Variants in GMIP observed in about 807,000 individuals in gnomAD.
The protein encoded by GMIP is GEM interacting protein.
A neutral mutation model predicts 105.3 loss-of-function variants in GMIP; 54 were observed. The ratio of observed to expected loss-of-function variants is 0.51; its 90% CI spans 0.41 to 0.64. The LOEUF is 0.64. Ranked by LOEUF, GMIP falls within the 30% of genes least tolerant of loss-of-function variation. The probability of loss-of-function intolerance (pLI) is 0.00; values close to 1 mark genes in which losing one functional copy is unlikely to be tolerated. For missense variants in GMIP, 1,110 were observed against 1,319.4 expected, an observed-to-expected ratio of 0.84 and a Z score of 2.46; for synonymous variants, 541 against 560.8, an observed-to-expected ratio of 0.96 and a Z score of 0.50.
chr19:19,640,025 G>A, intron 7 of GMIP, 60 bp downstream of exon 7: 1 of 955,968 alleles, frequency 1.0e-6, no homozygotes, highest in East Asian at 2.5e-5. Context: ...AGGGGATCAG[G>A]CCTGAAGGAC....
Position 19,635,609 on chromosome 19 carries a change from C to T in GMIP, c.1405+35G>A, listed in dbSNP as rs746291562. 3.1e-6 allele frequency: 5 copies of T among 1,613,740 alleles called. 1 individual carries two copies. The South Asian group carries it at 5.5e-5, about 18-fold the overall frequency. On this transcript the variant is annotated intron_variant, in intron 14 of 20. Transcript: ENST00000203556. This position sits in a 1 kb window ranked among gnomAD's most constrained non-coding sequence, Gnocchi z 4.7. ...GGTCAGGAGTGCCTGGTGCCCTGCC[C>T]TGTCCCATCCTGACCTACCCTGCTT...
rs761908774 is a variant in GMIP at position 19,634,581 on chromosome 19, C to T, written c.2010G>A (p.Ser670=). The T allele has an allele frequency of 1.9e-5, 31 of 1,613,364 alleles. No individual in the cohort carries two copies. Among genetic ancestry groups the T allele is most frequent in the Admixed American group, 3.3e-5 (2 of 59,756 alleles). The change falls in exon 18 of 21, where the codon TCG becomes TCA. Residue 670 remains serine (S), a synonymous_variant. Transcript: ENST00000203556. This position sits in a 1 kb window ranked among gnomAD's most constrained non-coding sequence, Gnocchi z 6.1. ...TPSPSPEVIR[S]LKTLLVQLPD... is the part of the protein sequence containing the mutation. The stretch of plus-strand genomic sequence containing the variant: ...GCAGCTGTACCAAGAGGGTCTTCAG[C>T]GAGCGGATAACCTCAGGGCTGGGGC...
Position 19,638,054 on chromosome 19 carries a change from G to C in GMIP, c.793C>G (p.Gln265Glu). 6 of 1,565,262 alleles carry C rather than the reference G, an allele frequency of 3.8e-6. No individual in the cohort carries two copies. The highest frequency in any genetic ancestry group is 5.2e-6 in the Non-Finnish European group (6 of 1,157,308). ...RSREEAQAKAQEAEALYQACV... is the reference protein window; with the variant it reads ...RSREEAQAKAEEAEALYQACV... Reference sequence around the variant, plus strand: ...GCCTGGTACAGCGCCTCGGCCTCCTGCGCCTGGGGAAACGGGAGGCCAGGA... The same window carrying C: ...GCCTGGTACAGCGCCTCGGCCTCCTCCGCCTGGGGAAACGGGAGGCCAGGA... Residue 265 changes from glutamine to glutamate, a missense_variant, in exon 10 of 21, where the codon CAG becomes GAG. By Grantham distance (29) the Gln-to-Glu change is conservative. Coordinates refer to ENST00000203556, the MANE Select transcript of GMIP (RefSeq NM_016573.4).
chr19:19,630,181 G>C lies in GMIP; in HGVS notation c.2695C>G (p.Pro899Ala). The C allele has an allele frequency of 6.2e-7, 1 of 1,603,438 alleles. No individual in the cohort carries two copies. Among genetic ancestry groups the C allele is most frequent in the Non-Finnish European group, 8.5e-7 (1 of 1,172,774 alleles). The change falls in exon 21 of 21, where the codon CCC becomes GCC. Residue 899 changes from proline to alanine, a missense_variant. By Grantham distance (27) the Pro-to-Ala change is conservative. Around this residue, in one of 3 missense-constraint regions of GMIP, gnomAD observed 394 missense variants for 450.5 expected, o/e 0.87. Transcript: ENST00000203556. The surrounding 1 kb of genome is among the most constrained non-coding windows in gnomAD (Gnocchi z 4.8). ...CTCCCTCTGGGCACTGATGTGATGG[G>C]GGTCTCCTCGCACAGCTTGGAAGCC... ...LVASKLCEET[P>A]ITSVPRGSLR...
rs779317631 is a variant in GMIP at position 19,638,493 on chromosome 19, T to TTGGGGA, written c.538-17_538-12dup. 2 of 1,612,874 alleles carry TTGGGGA rather than the reference T, an allele frequency of 1.2e-6. No individual in the cohort carries two copies. Among genetic ancestry groups the TTGGGGA allele is most frequent in the Non-Finnish European group, 1.7e-6 (2 of 1,179,276 alleles). On this transcript the variant is annotated splice_polypyrimidine_tract_variant and intron_variant, in intron 7 of 20. Transcript: ENST00000203556. ...TTTGGCGGCGAGGGGCTGGCAAGGG[T>TTGGGGA]TGGGGATGGGGATGGAGACGCTGCC...
Position 19,630,147 on chromosome 19 carries a change from C to G in GMIP, c.2729G>C (p.Gly910Ala). The G allele has an allele frequency of 6.2e-7, 1 of 1,604,244 alleles. No individual in the cohort carries two copies. The highest frequency in any genetic ancestry group is 8.5e-7 in the Non-Finnish European group (1 of 1,174,168). The change falls in exon 21 of 21, where the codon GGG becomes GCG. Residue 910 changes from glycine (G) to alanine (A), a missense_variant. Physicochemically the swap from Gly to Ala is moderately conservative, Grantham distance 60. This residue lies in a region of GMIP where 394 missense variants were observed against 450.5 expected (regional missense o/e 0.87). Transcript: ENST00000203556. This position sits in a 1 kb window ranked among gnomAD's most constrained non-coding sequence, Gnocchi z 4.8. Reference protein sequence around the residue: ...ITSVPRGSLRGRGPSPAAASP... With the variant: ...ITSVPRGSLRARGPSPAAASP... ...GGCAGCTGCAGGGCTGGGCCCCCGC[C>G]CCCGCAAACTCCCTCTGGGCACTGA...
rs1270199632 is a variant in GMIP at position 19,636,909 on chromosome 19, G to A, written c.1237+8C>T. ...GCACCACTCCCACCTGGCCCTCATT[G>A]CACTCACCTTGCCAGCGCCAGCCTG... is the stretch of plus-strand genomic sequence containing the variant. On this transcript the variant is annotated splice_region_variant and intron_variant, in intron 12 of 20. Coordinates refer to ENST00000203556, the MANE Select transcript of GMIP (RefSeq NM_016573.4). 6.4e-7 allele frequency: 1 copy of A among 1,568,112 alleles called. No individual in the cohort carries two copies. The highest frequency in any genetic ancestry group is 2.3e-5 in the East Asian group (1 of 42,652).
intron 4 of GMIP, among the ~76,000 whole-genome samples, chr19:19,640,973 G>T (rs138924484): frequency 2.6e-5 from 4 of 151,520 alleles, no homozygotes; most frequent in African/African-American, 9.7e-5. Flanking sequence ...CTCTATGTTG[G>T]TCAGGCTGGT....
Position 19,635,920 on chromosome 19 carries a change from T to C in GMIP, c.1328-199A>G, listed in dbSNP as rs571784761. Among the ~76,000 whole-genome samples the C allele has an allele frequency of 2.7e-4, 41 of 152,038 alleles. No individual in the cohort carries two copies. Among genetic ancestry groups the C allele is most frequent in the African/African-American group, 9.2e-4 (38 of 41,456 alleles). On this transcript the variant is annotated intron_variant, in intron 13 of 20. Transcript: ENST00000203556. This position sits in a 1 kb window ranked among gnomAD's most constrained non-coding sequence, Gnocchi z 4.7. The stretch of plus-strand genomic sequence containing the variant: ...AAGCTGGATCAAGAGGTTGAGGAAA[T>C]AGGCCGGGCGCAGTGGCTCACACCT...
rs943393558 is a variant in GMIP, at chr19:19,634,009, T to A, written c.2266A>T (p.Ile756Phe). The A allele has an allele frequency of 1.2e-5, 19 of 1,611,038 alleles. No homozygotes were observed. The highest frequency in any genetic ancestry group is 2.7e-5 in the African/African-American group (2 of 74,800). The change falls in exon 19 of 21, where the codon ATC (isoleucine) becomes TTC (phenylalanine). Residue 756 changes from isoleucine (I) to phenylalanine (F), a missense_variant. Coordinates refer to ENST00000203556, the MANE Select transcript of GMIP (RefSeq NM_016573.4). The surrounding 1 kb of genome is among the most constrained non-coding windows in gnomAD (Gnocchi z 6.1). ...VEFLIVHYEQ[I>F]FGMDELPQAT... ...TGGGGGAGCTCATCCATCCCAAAGA[T>A]CTGCTCGTAGTGCACGATGAGGAAC...
chr19:19,638,094 G>A (rs781413305), intron 9 of GMIP, 37 bp from the exon 10 acceptor site: 2 of 1,546,200 alleles, frequency 1.3e-6, no homozygotes, highest in Non-Finnish European at 1.7e-6. Context: ...GGTGGGGCGC[G>A]TGTGGGCGAG....
chr19:19,633,551 T>A (rs2061817403), intron 19 of GMIP, among the ~76,000 whole-genome samples: 1 of 152,176 alleles, frequency 6.6e-6, no homozygotes, highest in African/African-American at 2.4e-5. Flanking sequence ...AAAATACATG[T>A]TCAATAAATA....
Position 19,643,598 on chromosome 19 carries a change from C to A in GMIP, c.-69G>T, listed in dbSNP as rs1227784811. ...GGGTCGCGCGCCGGCGGGGCCGAGCCCCGATTTCCTGCCGCCGCAGCCGCC... is the reference window on the plus strand; with the variant it reads ...GGGTCGCGCGCCGGCGGGGCCGAGCACCGATTTCCTGCCGCCGCAGCCGCC... On this transcript the variant is annotated 5_prime_UTR_variant, in exon 1 of 21. Coordinates refer to ENST00000203556, the MANE Select transcript of GMIP (RefSeq NM_016573.4). The A allele has an allele frequency of 7.2e-7, 1 of 1,391,500 alleles. No individual in the cohort carries two copies. Among genetic ancestry groups the A allele is most frequent in the East Asian group, 2.8e-5 (1 of 36,124 alleles). The allele number at this position is 1,391,500 out of a possible 1,614,324, so 86.2% of individuals were successfully genotyped here. A position where few individuals can be genotyped will look rare whatever the true frequency, so the allele number is the denominator to read the frequency against.
chr19:19,641,749 T>C, intron 4 of GMIP, 61 bp downstream of exon 4: 1 of 1,167,084 alleles, frequency 8.6e-7, no homozygotes, highest in Non-Finnish European at 1.3e-6. Flanking sequence ...GGATCAGTGG[T>C]GATTTGTTGA....
chr19:19,641,065 C>G (rs939176643), intron 4 of GMIP, among the ~76,000 whole-genome samples: 8 of 151,908 alleles, frequency 5.3e-5, no homozygotes, highest in Non-Finnish European at 1.2e-4. Flanking sequence ...CCGTGCCCGG[C>G]CTGTGTTTGA....
chr19:19,632,421 G>A (rs554523261), intron 19 of GMIP, among the ~76,000 whole-genome samples: 5 of 152,148 alleles, frequency 3.3e-5, no homozygotes, highest in South Asian at 2.1e-4. Flanking sequence ...CTAACATGGC[G>A]AAACCTTGTC....
chr19:19,638,778 CTTTTTTT>C (rs554304896), intron 7 of GMIP, among the ~76,000 whole-genome samples: 19 of 132,294 alleles, frequency 1.4e-4, no homozygotes, highest in Non-Finnish European at 2.6e-4. Context: ...ACAATTTCTT[CTTTTTTT>C]TTTTTTTTTT....
In GMIP at chr19:19,630,387, A is replaced by G; in HGVS notation, c.2540-51T>C. On this transcript the variant is annotated intron_variant, in intron 20 of 20. Transcript: ENST00000203556. This position sits in a 1 kb window ranked among gnomAD's most constrained non-coding sequence, Gnocchi z 4.8. ...CAGAGCACCTCCAAGTTCTCTGTAT[A>G]TCCCCCCAGGAGTCATCTTTTAGCA... The G allele has an allele frequency of 1.9e-6, 3 of 1,572,052 alleles. No individual in the cohort carries two copies. Among genetic ancestry groups the G allele is most frequent in the African/African-American group, 2.7e-5 (2 of 73,572 alleles).
At chr19:19,640,922 T>TGC (rs2061912556) in intron 4 of GMIP, among the ~76,000 whole-genome samples, 2 of 148,130 alleles carry the variant, frequency 1.4e-5, no homozygotes, top group Non-Finnish European at 1.5e-5. Flanking sequence ...TGCGCCACCA[T>TGC]GCCCGGCTAA....
Sources: gnomAD v4.1 joint callset for allele counts (sites outside exome capture counted in the v4.1 genomes callset) on GRCh38, gnomAD v4.1.1 for gene constraint, gnomAD v4.1.1 regional missense constraint, Gnocchi (gnomAD v3.1) non-coding constraint, MANE v1.5 for transcripts, NCBI Gene and HGNC (gene_info 2026-07-23, HGNC 2026-07-21) for gene names.